GIT1: variants seen among roughly 807,000 people sequenced by gnomAD.
GIT1 encodes GIT ArfGAP 1.
GIT1 carries 14 observed loss-of-function variants against 91.7 expected under a neutral mutation model. The ratio of observed to expected loss-of-function variants is 0.15; its 90% confidence interval spans 0.10 to 0.24. GIT1 has a LOEUF of 0.24. GIT1 is among the 10% of genes least tolerant of loss of function. The pLI, the probability that GIT1 is intolerant of heterozygous loss-of-function variation, is 1.00. For missense variants in GIT1, 717 were observed against 1,024.9 expected, an observed-to-expected ratio of 0.70 and a Z score of 4.10; for synonymous variants, 414 against 418.2, an observed-to-expected ratio of 0.99 and a Z score of 0.12.
intron 1 of GIT1, among the ~76,000 whole-genome samples, chr17:29,588,919 G>C (rs1300475333): frequency 2.6e-5 from 4 of 152,296 alleles, no homozygotes; most frequent in Non-Finnish European, 4.4e-5. Context: ...GGTGCAAGAC[G>C]CGGGGGTGGC....
chr17:29,581,615 G>T lies in GIT1; in HGVS notation c.718+127C>A. ...GCCTGCAGTAATTTCACAGGAGCCA[G>T]TTGCCTAGCAACATTGCTCCCCAGC... On this transcript the variant is annotated intron_variant, in intron 6 of 19. Transcript: ENST00000225394. This position sits in a 1 kb window ranked among gnomAD's most constrained non-coding sequence, Gnocchi z 4.8. The T allele has an allele frequency of 1.3e-6, 1 of 756,540 alleles. No individual in the cohort carries two copies. The highest frequency in any genetic ancestry group is 2.2e-6 in the Non-Finnish European group (1 of 445,760). The allele number at this position is 756,540 out of a possible 1,614,324, so 46.9% of individuals were successfully genotyped here.
intron 1 of GIT1, among the ~76,000 whole-genome samples, chr17:29,585,844 G>A (rs754615030): frequency 1.4e-4 from 21 of 152,152 alleles, no homozygotes; most frequent in South Asian, 4.1e-4. Context: ...CTCCCCCTGC[G>A]CTTCTGGCTC....
chr17:29,582,989 A>T lies in GIT1; in HGVS notation c.235T>A (p.Ser79Thr). ...TGCACTTGTGCGGGGTCCAGCAGGGAGTGCTCCCAGATGGAGTTGGCCCCG... is the reference window on the plus strand; with the variant it reads ...TGCACTTGTGCGGGGTCCAGCAGGGTGTGCTCCCAGATGGAGTTGGCCCCG... ...SNGANSIWEH[S>T]LLDPAQVQSG... Residue 79 changes from serine to threonine, a missense_variant, in exon 3 of 20, where the codon TCC becomes ACC. Coordinates refer to ENST00000225394, the MANE Select transcript of GIT1 (RefSeq NM_014030.4). 1.2e-6 allele frequency: 2 copies of T among 1,612,252 alleles called. No individual in the cohort carries two copies. Among genetic ancestry groups the T allele is most frequent in the Non-Finnish European group, 1.7e-6 (2 of 1,179,862 alleles).
At chr17:29,578,428 C>G in intron 8 of GIT1, 57 bp from the exon 9 acceptor site, 1 of 1,477,392 alleles carries the variant, frequency 6.8e-7, no homozygotes. Context: ...AGTGCCAAGG[C>G]CAGCTCCCCA....
rs377279123 is a variant in GIT1, at chr17:29,575,148, G to C, written c.2010-6C>G. 6.3e-7 allele frequency: 1 copy of C among 1,593,684 alleles called. No homozygotes were observed. Among genetic ancestry groups the C allele is most frequent in the East Asian group, 2.2e-5 (1 of 44,470 alleles). The stretch of plus-strand genomic sequence containing the variant: ...TCTCTGAGCAGGGCACGAAGCTGCG[G>C]GGAGAAGGGAGGCTATAAAGCAGGG... On this transcript the variant is annotated splice_region_variant and splice_polypyrimidine_tract_variant and intron_variant, in intron 18 of 19. Transcript: ENST00000225394. The surrounding 1 kb of genome is among the most constrained non-coding windows in gnomAD (Gnocchi z 5.5).
intron 1 of GIT1, 84 bp from the exon 2 acceptor site, chr17:29,583,700 A>G (rs963775209): frequency 5.7e-6 from 8 of 1,411,114 alleles, no homozygotes; most frequent in Non-Finnish European, 7.6e-6. Context: ...TGCCAAGCCT[A>G]GTACTCTCCA....
Position 29,581,851 on chromosome 17 carries a change from T to C in GIT1, c.624-15A>G. 8 of 1,611,336 alleles carry C rather than the reference T, an allele frequency of 5.0e-6. No individual in the cohort carries two copies. The highest frequency in any genetic ancestry group is 5.9e-6 in the Non-Finnish European group (7 of 1,178,998). ...GCCCCGCCTGCCTGTGAGGAGGGGG[T>C]ATGGCTCAGACCTGCAGCAGCAGCC... is the stretch of plus-strand genomic sequence containing the variant. On this transcript the variant is annotated splice_polypyrimidine_tract_variant and intron_variant, in intron 5 of 19. Transcript: ENST00000225394. This position sits in a 1 kb window ranked among gnomAD's most constrained non-coding sequence, Gnocchi z 4.8.
chr17:29,574,824 G>T lies in GIT1; in HGVS notation c.2164C>A (p.Pro722Thr). Residue 722 changes from proline (P) to threonine (T), a missense_variant, in exon 20 of 20, where the codon CCA becomes ACA. Transcript: ENST00000225394. ...LQSECRKTVP[P>T]EPGAPVDFQL... ...AAGTCCACTGGGGCGCCGGGCTCTG[G>T]GGGCACTGTCTTCCGGCACTCACTC... 1 of 1,610,312 alleles carries T rather than the reference G, an allele frequency of 6.2e-7. No homozygotes were observed. Among genetic ancestry groups the T allele is most frequent in the Non-Finnish European group, 8.5e-7 (1 of 1,179,566 alleles).
chr17:29,585,061 A>G (rs545355435), intron 1 of GIT1, among the ~76,000 whole-genome samples: 1 of 151,078 alleles, frequency 6.6e-6, no homozygotes, highest in East Asian at 2.0e-4. Context: ...AATCAGGGCA[A>G]CAGAGGGATG....
chr17:29,588,686 C>A (rs149343668), intron 1 of GIT1, among the ~76,000 whole-genome samples: 1 of 152,206 alleles, frequency 6.6e-6, no homozygotes, highest in African/African-American at 2.4e-5. Context: ...CACCAGCAGG[C>A]CTGGGGATGC....
chr17:29,578,261 G>C (rs375780792), intron 9 of GIT1, 38 bp downstream of exon 9: 4 of 1,547,706 alleles, frequency 2.6e-6, no homozygotes, highest in East Asian at 4.5e-5. Context: ...TGGGCCGCTC[G>C]GGTCCTCCAC....
Position 29,576,242 on chromosome 17 carries a change from C to T in GIT1, c.1589G>A (p.Arg530Gln), listed in dbSNP as rs891785021. ...GGPPGDELTT[R>Q]LQPFHSTELE... ...CACAGTGCTGTGGAAAGGCTGCAGCCGCGTAGTGAGCTCGTCCCCAGGGGG... is the reference window on the plus strand; with the variant it reads ...CACAGTGCTGTGGAAAGGCTGCAGCTGCGTAGTGAGCTCGTCCCCAGGGGG... Residue 530 changes from arginine (R) to glutamine (Q), a missense_variant, in exon 14 of 20, where the codon CGG becomes CAG. Physicochemically the swap from Arg to Gln is conservative, Grantham distance 43. Transcript: ENST00000225394. 5.0e-6 allele frequency: 8 copies of T among 1,608,648 alleles called. No individual in the cohort carries two copies. Among genetic ancestry groups the T allele is most frequent in the Admixed American group, 3.3e-5 (2 of 59,932 alleles).
At position 29,582,125 on chromosome 17, in the gene GIT1, C is replaced by A; in HGVS notation, c.425G>T (p.Arg142Leu). 2 of 1,584,392 alleles carry A rather than the reference C, an allele frequency of 1.3e-6. No homozygotes were observed. The highest frequency in any genetic ancestry group is 2.3e-5 in the East Asian group (1 of 43,760). The change falls in exon 5 of 20, where the codon CGG becomes CTG. Residue 142 changes from arginine (R) to leucine (L), a missense_variant. Arg to Leu is a moderately radical substitution (Grantham distance 102). Coordinates refer to ENST00000225394, the MANE Select transcript of GIT1 (RefSeq NM_014030.4). The part of the protein sequence containing the change: ...DLSKQLHSSV[R>L]TGNLETCLRL... ...CAGACATGTCTCCAGGTTGCCTGTCCGCACGCTCGAGTGTAGTTGCTAAGA... is the reference window on the plus strand; with the variant it reads ...CAGACATGTCTCCAGGTTGCCTGTCAGCACGCTCGAGTGTAGTTGCTAAGA...
At chr17:29,585,137 T>G (rs2033550037) in intron 1 of GIT1, among the ~76,000 whole-genome samples, 1 of 151,948 alleles carries the variant, frequency 6.6e-6, no homozygotes, top group African/African-American at 2.4e-5. Flanking sequence ...GGGACCAGCC[T>G]TCTTCGCCAA....
intron 1 of GIT1, among the ~76,000 whole-genome samples, chr17:29,587,125 G>A (rs1051586867): frequency 6.6e-6 from 1 of 152,140 alleles, no homozygotes. Flanking sequence ...GTGACCCTGG[G>A]GTGGAGCGAT....
Position 29,589,238 on chromosome 17 carries a change from CGG to C in GIT1, c.52+87_52+88del. On this transcript the variant is annotated intron_variant, in intron 1 of 19. Coordinates refer to ENST00000225394, the MANE Select transcript of GIT1 (RefSeq NM_014030.4). This position sits in a 1 kb window ranked among gnomAD's most constrained non-coding sequence, Gnocchi z 5.2. ...CAGCCCCCCGCCCCGCCCAGCCCTC[CGG>C]CCCCGCACAGCGCTCTTGCCAGGCC... is the stretch of plus-strand genomic sequence containing the variant. The C allele has an allele frequency of 4.2e-5, 17 of 403,858 alleles. No individual in the cohort carries two copies. Among genetic ancestry groups the C allele is most frequent in the Admixed American group, 1.3e-4 (2 of 15,756 alleles). The allele number at this position is 403,858 out of a possible 1,614,324, so 25.0% of individuals were successfully genotyped here.
At position 29,582,137 on chromosome 17, in the gene GIT1, T is replaced by C. The variant is rs1477315915; in HGVS notation, c.413A>G (p.His138Arg). The C allele has an allele frequency of 6.4e-7, 1 of 1,570,378 alleles. No individual in the cohort carries two copies. Among genetic ancestry groups the C allele is most frequent in the Admixed American group, 1.8e-5 (1 of 55,024 alleles). ...CAGGTTGCCTGTCCGCACGCTCGAG[T>C]GTAGTTGCTAAGAGGAGCAGAGTGT... ...VTAKDLSKQL[H>R]SSVRTGNLET... is the part of the protein sequence containing the mutation. Residue 138 changes from histidine (H) to arginine (R), a missense_variant, in exon 5 of 20, where the codon CAC becomes CGC. By Grantham distance (29) the His-to-Arg change is conservative (BLOSUM62 0). Coordinates refer to ENST00000225394, the MANE Select transcript of GIT1 (RefSeq NM_014030.4).
intron 7 of GIT1, among the ~76,000 whole-genome samples, chr17:29,580,095 T>A (rs951942781): frequency 6.6e-6 from 1 of 152,116 alleles, no homozygotes. Context: ...CACTCCCCCA[T>A]GAGGACTAGA....
intron 9 of GIT1, 76 bp from the exon 10 acceptor site, chr17:29,577,818 A>G: frequency 1.2e-6 from 1 of 865,478 alleles, no homozygotes. Context: ...CACTGAGCCC[A>G]GCCTTCCTAG....
Sources: gnomAD v4.1 joint callset for allele counts (sites outside exome capture counted in the v4.1 genomes callset) on GRCh38, gnomAD v4.1.1 for gene constraint, Gnocchi (gnomAD v3.1) non-coding constraint, MANE v1.5 for transcripts, NCBI Gene and HGNC (gene_info 2026-07-23, HGNC 2026-07-21) for gene names.